Variants in ASAP1 observed in about 807,000 individuals in gnomAD.
ASAP1 encodes arf-GAP with SH3 domain, ANK repeat and PH domain-containing protein 1.
A neutral mutation model predicts 145.2 loss-of-function variants in ASAP1; 43 were observed. The ratio of observed to expected loss-of-function variants is 0.30; its 90% CI spans 0.23 to 0.38. The LOEUF is 0.38. Ranked by LOEUF, ASAP1 falls within the 10% of genes least tolerant of loss-of-function variation. The pLI is 1.00. For missense variants in ASAP1, 1,018 were observed against 1,355.3 expected, an observed-to-expected ratio of 0.75 and a Z score of 3.91; for synonymous variants, 546 against 515.5, an observed-to-expected ratio of 1.06 and a Z score of -0.80.
At chr8:130,284,090 G>A (rs1350322407) in intron 3 of ASAP1, among the ~76,000 whole-genome samples, 3 of 152,148 alleles carry the variant, frequency 2.0e-5, no homozygotes, top group Admixed American at 6.5e-5. Flanking sequence ...TCACTGGCAC[G>A]GAGGACAGAG....
intron 5 of ASAP1, among the ~76,000 whole-genome samples, chr8:130,196,061 G>C (rs1227432729): frequency 1.3e-5 from 2 of 152,202 alleles, no homozygotes; most frequent in Non-Finnish European, 2.9e-5. Flanking sequence ...GCAGTTGTAG[G>C]TCGGGCACAG....
At chr8:130,185,202 T>C (rs1254965220) in intron 7 of ASAP1, among the ~76,000 whole-genome samples, 1 of 152,236 alleles carries the variant, frequency 6.6e-6, no homozygotes, top group Admixed American at 6.5e-5. Flanking sequence ...AGGAAAATTG[T>C]TGACAGGGAT....
At chr8:130,282,801 A>T (rs1821333072) in intron 3 of ASAP1, among the ~76,000 whole-genome samples, 1 of 152,246 alleles carries the variant, frequency 6.6e-6, no homozygotes, top group African/African-American at 2.4e-5. Flanking sequence ...AAGAACCCAA[A>T]GGATCATAAA....
At chr8:130,396,101 T>C (rs1828517774) in intron 2 of ASAP1, among the ~76,000 whole-genome samples, 2 of 152,174 alleles carry the variant, frequency 1.3e-5, no homozygotes, top group Admixed American at 6.5e-5. Flanking sequence ...TCCTGGCAGC[T>C]TGCACAGACC....
intron 24 of ASAP1, among the ~76,000 whole-genome samples, chr8:130,104,669 T>C (rs1425971426): frequency 6.6e-6 from 1 of 152,244 alleles, no homozygotes; most frequent in African/African-American, 2.4e-5. Flanking sequence ...AAAAATTAAA[T>C]TTATGTTCAA....
chr8:130,094,513 T>TA (rs2097513102), intron 24 of ASAP1, among the ~76,000 whole-genome samples: 6 of 151,698 alleles, frequency 4.0e-5, no homozygotes, highest in African/African-American at 1.5e-4. Context: ...TAGTCTAAAT[T>TA]TAAAAAAAAA....
At chr8:130,277,960 T>C (rs746489734) in intron 3 of ASAP1, among the ~76,000 whole-genome samples, 1 of 151,128 alleles carries the variant, frequency 6.6e-6, no homozygotes, top group Admixed American at 6.6e-5. Flanking sequence ...AGGGAGCAAA[T>C]AAATTCTTAG....
intron 25 of ASAP1, 21 bp from the exon 26 acceptor site, chr8:130,079,992 G>A (rs2097475298): frequency 6.2e-7 from 1 of 1,603,354 alleles, no homozygotes; most frequent in Non-Finnish European, 8.5e-7. Flanking sequence ...AACCGAAGGT[G>A]AAAAGGTATG....
rs1402557889 is a variant in ASAP1, at chr8:130,328,004, C to T, written c.186+30013G>A. Reference sequence around the variant, plus strand: ...TTTAAGACAGGTGATTTAACAGGATCCCACTTTTGCAAAAGAAAAATATAT... The same window carrying T: ...TTTAAGACAGGTGATTTAACAGGATTCCACTTTTGCAAAAGAAAAATATAT... On this transcript the variant is annotated intron_variant, in intron 3 of 29. Coordinates refer to ENST00000518721, the MANE Select transcript of ASAP1 (RefSeq NM_018482.4). Among the ~76,000 whole-genome samples the T allele has an allele frequency of 3.3e-5, 5 of 152,108 alleles. No individual in the cohort carries two copies. In the South Asian group the frequency reaches 8.3e-4, roughly 25 times the overall value.
Position 130,373,109 on chromosome 8 carries a change from T to C in ASAP1, c.60-14966A>G, listed in dbSNP as rs9694613. 5.5e-3 allele frequency among the ~76,000 whole-genome samples: 701 copies of C among 127,666 alleles called. 6 individuals are homozygous for C. The highest frequency in any genetic ancestry group is 8.8e-3 in the Admixed American group (111 of 12,556). 83.8% of individuals were successfully genotyped at this position (127,666 alleles called of 152,430 possible). ...ACCCCCCCACACACACAGAAATACA[T>C]ATACACACACACACACACACACACA... On this transcript the variant is annotated intron_variant, in intron 2 of 29. Coordinates refer to ENST00000518721, the MANE Select transcript of ASAP1 (RefSeq NM_018482.4).
chr8:130,373,849 G>GA (rs1170269915), intron 2 of ASAP1, among the ~76,000 whole-genome samples: 9,635 of 50,944 alleles, frequency 0.19, 781 homozygotes, highest in African/African-American at 0.23. Context: ...GGAGTCTCCA[G>GA]AAAAAAAAAA....
At chr8:130,195,841 C>T (rs1815448280) in intron 5 of ASAP1, among the ~76,000 whole-genome samples, 1 of 152,222 alleles carries the variant, frequency 6.6e-6, no homozygotes, top group South Asian at 2.1e-4. Flanking sequence ...CTGGAGATGA[C>T]TTCATAAACA....
At chr8:130,417,665 G>A (rs1320583755) in intron 1 of ASAP1, among the ~76,000 whole-genome samples, 1 of 151,962 alleles carries the variant, frequency 6.6e-6, no homozygotes, top group African/African-American at 2.4e-5. Context: ...TGACAAAACT[G>A]ACAAGTCCAG....
Position 130,434,737 on chromosome 8 carries a change from T to C in ASAP1, c.-28+8723A>G, listed in dbSNP as rs370395376. On this transcript the variant is annotated intron_variant, in intron 1 of 29. Transcript: ENST00000518721. The stretch of plus-strand genomic sequence containing the variant: ...GTCAAAGATCACAAACGCAATGACA[T>C]GCAAAAATTCCATCCCAGAACGGCT... Among the ~76,000 whole-genome samples, 20 of 152,050 alleles carry C rather than the reference T, an allele frequency of 1.3e-4. No homozygotes were observed. In the East Asian group the frequency reaches 3.1e-3, roughly 24 times the overall value.
intron 3 of ASAP1, among the ~76,000 whole-genome samples, chr8:130,288,274 T>G (rs193116752): frequency 2.2e-4 from 34 of 152,264 alleles, no homozygotes; most frequent in Non-Finnish European, 3.1e-4. Context: ...GTATTTGACT[T>G]CGAGGGCACC....
chr8:130,167,915 T>C (rs2097683261), intron 10 of ASAP1, among the ~76,000 whole-genome samples: 2 of 152,192 alleles, frequency 1.3e-5, no homozygotes, highest in South Asian at 4.1e-4. Context: ...TATTTGCTTC[T>C]GGTTTTTCAA....
Position 130,060,943 on chromosome 8 carries a change from G to C in ASAP1, c.2828C>G (p.Pro943Arg). 1.2e-6 allele frequency: 2 copies of C among 1,607,504 alleles called. No individual in the cohort carries two copies. Among genetic ancestry groups the C allele is most frequent in the Non-Finnish European group, 1.7e-6 (2 of 1,176,430 alleles). ...KPPPGDLPPK[P>R]TELAPKPQIG... ...TTGGGGCTTGGGGGCCAGTTCTGTG[G>C]GCTTTGGGGGCAGGTCTCCAGGTGG... Residue 943 changes from proline to arginine, a missense_variant, in exon 28 of 30, where the codon CCC becomes CGC. By Grantham distance (103) the Pro-to-Arg change is moderately radical. Around this residue, in one of 9 missense-constraint regions of ASAP1, gnomAD observed 139 missense variants for 131.0 expected, o/e 1.06. Coordinates refer to ENST00000518721, the MANE Select transcript of ASAP1 (RefSeq NM_018482.4).
At chr8:130,175,969 G>T (rs1177511722) in intron 9 of ASAP1, among the ~76,000 whole-genome samples, 1 of 152,176 alleles carries the variant, frequency 6.6e-6, no homozygotes, top group Non-Finnish European at 1.5e-5. Context: ...AGGTCATAAT[G>T]ACACTTGTGA....
At chr8:130,354,861 T>C (rs1268290369) in intron 3 of ASAP1, among the ~76,000 whole-genome samples, 1 of 152,172 alleles carries the variant, frequency 6.6e-6, no homozygotes, top group East Asian at 1.9e-4. Flanking sequence ...AGCCCAGAAG[T>C]AAACCAGAAG....
Sources: allele counts gnomAD v4.1 joint callset (sites outside exome capture counted in the v4.1 genomes callset), GRCh38; gene constraint gnomAD v4.1.1; regional missense constraint gnomAD v4.1.1; transcripts MANE v1.5; gene names NCBI Gene and HGNC (gene_info 2026-07-23, HGNC 2026-07-21).